The following PIAS2 variants were observed in gnomAD, a reference collection of about 807,000 sequenced individuals.
PIAS2 encodes the protein E3 SUMO-protein ligase PIAS2.
PIAS2 carries 19 observed loss-of-function variants against 69.7 expected under a neutral mutation model. The ratio of observed to expected loss-of-function variants is 0.27; its 90% CI spans 0.19 to 0.40. The LOEUF is 0.40. PIAS2 is among the 10% of genes least tolerant of loss of function. The pLI is 1.00. For synonymous variants in PIAS2, 261 were observed against 263.2 expected, an observed-to-expected ratio of 0.99 and a Z score of 0.08; for missense variants, 624 against 757.0, an observed-to-expected ratio of 0.82 and a Z score of 2.06.
chr18:46,838,887 G>A (rs1204084933), intron 8 of PIAS2, among the ~76,000 whole-genome samples: 1 of 152,094 alleles, frequency 6.6e-6, no homozygotes, highest in Non-Finnish European at 1.5e-5. Context: ...TACAAATGGT[G>A]TTAGTTTTTT....
chr18:46,893,005 T>G (rs1221694169), intron 1 of PIAS2, among the ~76,000 whole-genome samples: 1 of 152,178 alleles, frequency 6.6e-6, no homozygotes, highest in Non-Finnish European at 1.5e-5. Context: ...GAGCCACATG[T>G]GGCCACTAGC....
chr18:46,866,377 G>T (rs2049465030), intron 2 of PIAS2, among the ~76,000 whole-genome samples: 1 of 152,096 alleles, frequency 6.6e-6, no homozygotes, highest in African/African-American at 2.4e-5. Context: ...TAGGCCAGAA[G>T]GTATCTTTAA....
chr18:46,919,380 G>A (rs1485180825), upstream of PIAS2, among the ~76,000 whole-genome samples: 6 of 151,954 alleles, frequency 3.9e-5, no homozygotes, highest in Non-Finnish European at 8.8e-5. Flanking sequence ...CAGCTACTCC[G>A]GAGACTAAGG....
Position 46,804,141 on chromosome 18 carries a change from C to T in PIAS2, c.*8292G>A, listed in dbSNP as rs1399069444. On this transcript the variant is annotated 3_prime_UTR_variant, in exon 14 of 14. Transcript: ENST00000585916. ...TTCATCCACCAATATTTACTGGGCACCTTCTATGTAGCCCATATCATGTTA... is the reference window on the plus strand; with the variant it reads ...TTCATCCACCAATATTTACTGGGCATCTTCTATGTAGCCCATATCATGTTA... 6.6e-6 allele frequency: 1 copy of T among 152,168 alleles called. No individual in the cohort carries two copies. Among genetic ancestry groups the T allele is most frequent in the African/African-American group, 2.4e-5 (1 of 41,426 alleles). 9.4% of individuals were successfully genotyped at this position (152,168 alleles called of 1,614,324 possible).
chr18:46,834,793 A>C (rs951832552), intron 9 of PIAS2, among the ~76,000 whole-genome samples: 2 of 152,184 alleles, frequency 1.3e-5, no homozygotes, highest in Non-Finnish European at 2.9e-5. Flanking sequence ...GACATTTTTA[A>C]AGTAAGTTTT....
intron 2 of PIAS2, among the ~76,000 whole-genome samples, chr18:46,884,367 C>A (rs923345313): frequency 6.6e-6 from 1 of 151,814 alleles, no homozygotes; most frequent in Non-Finnish European, 1.5e-5. Flanking sequence ...GGCCAGAGTG[C>A]AGTGGCTCGA....
chr18:46,818,321 C>T lies in PIAS2; in HGVS notation c.1648+2612G>A, dbSNP rs549808176. 21 of 1,440,760 alleles carry T rather than the reference C, an allele frequency of 1.5e-5. No homozygotes were observed. In the South Asian group the frequency reaches 2.2e-4, roughly 15 times the overall value. 89.2% of individuals were successfully genotyped at this position (1,440,760 alleles called of 1,614,324 possible). ...CAATAATAAGGCAGTCATATTTTTC[C>T]TTGAAATAAGCTGTTTTCCACTCCA... On this transcript the variant is annotated intron_variant, in intron 12 of 13. Coordinates refer to ENST00000585916, the MANE Select transcript of PIAS2 (RefSeq NM_004671.5).
At chr18:46,917,631 C>T, upstream of PIAS2, 2 of 863,898 alleles carry the variant, frequency 2.3e-6, no homozygotes, top group Non-Finnish European at 1.4e-6. Context: ...CCCGCCCGCG[C>T]CTGCCCCGGC....
At chr18:46,828,256 C>G (rs373014428) in intron 10 of PIAS2, 126 bp from the exon 11 acceptor site, 4 of 748,170 alleles carry the variant, frequency 5.3e-6, no homozygotes, top group East Asian at 2.8e-5. Flanking sequence ...GCCACATACT[C>G]CAACCCATGG....
chr18:46,920,032 G>GA, upstream of PIAS2: 1 of 1,286,230 alleles, frequency 7.8e-7, no homozygotes, highest in Non-Finnish European at 1.0e-6. Context: ...AGTAAGAAAA[G>GA]AAAAGCAAAG....
At chr18:46,816,345 T>C (rs2041534225) in intron 12 of PIAS2, 1 of 961,180 alleles carries the variant, frequency 1.0e-6, no homozygotes, top group African/African-American at 1.8e-5. Flanking sequence ...GTATATTTAT[T>C]CTCTTATAAT....
chr18:46,908,680 G>A (rs184189928), intron 1 of PIAS2, among the ~76,000 whole-genome samples: 1 of 152,258 alleles, frequency 6.6e-6, no homozygotes, highest in East Asian at 1.9e-4. Context: ...CCTGATAAAT[G>A]CAATCACATA....
chr18:46,880,601 A>G (rs1367139553), intron 2 of PIAS2, among the ~76,000 whole-genome samples: 1 of 152,244 alleles, frequency 6.6e-6, no homozygotes, highest in African/African-American at 2.4e-5. Context: ...CTACTAAAAA[A>G]GTAAAAAATA....
intron 2 of PIAS2, among the ~76,000 whole-genome samples, chr18:46,888,171 C>T (rs965783955): frequency 1.3e-5 from 2 of 151,982 alleles, no homozygotes; most frequent in African/African-American, 4.8e-5. Flanking sequence ...ACAATAACAA[C>T]TATAAAACAT....
chr18:46,836,413 G>C lies in PIAS2; in HGVS notation c.1146C>G (p.Thr382=). 1 of 1,614,020 alleles carries C rather than the reference G, an allele frequency of 6.2e-7. No individual in the cohort carries two copies. Among genetic ancestry groups the C allele is most frequent in the Non-Finnish European group, 8.5e-7 (1 of 1,179,916 alleles). The change falls in exon 9 of 14, where the codon ACC becomes ACG. Residue 382 remains threonine (T), a synonymous_variant. Transcript: ENST00000585916. The part of the protein sequence containing the change: ...LYLQMNEKKP[T]WICPVCDKKA... Reference sequence around the variant, plus strand: ...TTTTGTCACACACAGGACAAATCCAGGTGGGCTTTTTCTCATTCATTTGTA... The same window carrying C: ...TTTTGTCACACACAGGACAAATCCACGTGGGCTTTTTCTCATTCATTTGTA...
upstream of PIAS2, chr18:46,919,931 G>A (rs2058437905): frequency 6.0e-6 from 3 of 497,602 alleles, no homozygotes; most frequent in Non-Finnish European, 1.1e-5. Flanking sequence ...CACTGTGGGA[G>A]GAGTTTTCGG....
At chr18:46,911,983 G>A (rs927738293) in intron 1 of PIAS2, among the ~76,000 whole-genome samples, 8 of 152,120 alleles carry the variant, frequency 5.3e-5, no homozygotes, top group Admixed American at 3.3e-4. Flanking sequence ...CCCAGGAGGC[G>A]GAGGTTGCAG....
Position 46,821,072 on chromosome 18 carries a change from C to T in PIAS2, c.1509G>A (p.Gly503=). The part of the protein sequence containing the change: ...MSETQSSPTK[G]VLMYQPSSVR... ...CAGAAGATGGCTGATACATGAGAAC[C>T]CTGTTTTAAATAGCACGGGAAATTA... The change falls in exon 12 of 14, where the codon GGG becomes GGA. Residue 503 remains glycine, a splice_region_variant and synonymous_variant. Coordinates refer to ENST00000585916, the MANE Select transcript of PIAS2 (RefSeq NM_004671.5). The T allele has an allele frequency of 6.2e-7, 1 of 1,613,094 alleles. No homozygotes were observed. Among genetic ancestry groups the T allele is most frequent in the Non-Finnish European group, 8.5e-7 (1 of 1,179,406 alleles).
At chr18:46,857,943 C>T (rs1470723928) in intron 3 of PIAS2, among the ~76,000 whole-genome samples, 1 of 152,082 alleles carries the variant, frequency 6.6e-6, no homozygotes, top group Non-Finnish European at 1.5e-5. Flanking sequence ...GTTGCAAATG[C>T]AAGCAGTGAA....
Sources: allele counts gnomAD v4.1 joint callset (sites outside exome capture counted in the v4.1 genomes callset), GRCh38; gene constraint gnomAD v4.1.1; transcripts MANE v1.5; gene names NCBI Gene and HGNC (gene_info 2026-07-23, HGNC 2026-07-21).